Variants in PTPRF observed in about 807,000 individuals in gnomAD.
PTPRF encodes protein tyrosine phosphatase receptor type F, also known as receptor-type tyrosine-protein phosphatase F.
PTPRF carries 59 observed loss-of-function variants against 201.8 expected under a neutral mutation model. The ratio of observed to expected loss-of-function variants is 0.29; its 90% CI spans 0.24 to 0.36. The LOEUF is 0.36. PTPRF is among the 10% of genes least tolerant of loss of function. PTPRF has a pLI of 1.00. For missense variants in PTPRF, 2,132 were observed against 2,690.5 expected (o/e 0.79, Z 4.59); for synonymous variants, 1,088 against 1,089.7 (o/e 1.00, Z 0.03).
chr1:43,596,833 A>G (rs1652383444), intron 11 of PTPRF, among the ~76,000 whole-genome samples: 1 of 152,190 alleles, frequency 6.6e-6, no homozygotes, highest in South Asian at 2.1e-4. Flanking sequence ...GTGAGACAGC[A>G]TATGTGTGGG....
chr1:43,618,878 G>C (rs1658504025), intron 26 of PTPRF, 129 bp downstream of exon 26: 2 of 1,452,766 alleles, frequency 1.4e-6, no homozygotes, highest in Non-Finnish European at 1.9e-6. Context: ...GTGTGTGAGT[G>C]ATGTGATGAT....
In PTPRF at chr1:43,617,518, C is replaced by T. The variant is rs752966262; in HGVS notation, c.4145C>T (p.Ala1382Val). The T allele has an allele frequency of 1.2e-6, 2 of 1,613,960 alleles. No individual in the cohort carries two copies. Among genetic ancestry groups the T allele is most frequent in the Admixed American group, 1.7e-5 (1 of 59,998 alleles). Residue 1382 changes from alanine to valine, a missense_variant, in exon 24 of 34, where the codon GCG (alanine) becomes GTG (valine). This residue lies in a region of PTPRF where 818 missense variants were observed against 915.3 expected (regional missense o/e 0.89). Transcript: ENST00000359947. ...GTGAACAAGCCCAAGAACCGCTATGCGAATGTCATCGCCTACGACCACTCT... is the reference window on the plus strand; with the variant it reads ...GTGAACAAGCCCAAGAACCGCTATGTGAATGTCATCGCCTACGACCACTCT... ...LEVNKPKNRY[A>V]NVIAYDHSRV...
At chr1:43,574,349 T>G (rs190989808) in intron 6 of PTPRF, among the ~76,000 whole-genome samples, 30 of 152,240 alleles carry the variant, frequency 2.0e-4, no homozygotes, top group South Asian at 6.2e-4. Flanking sequence ...AAGACTGAGA[T>G]TATTTTAAAA....
chr1:43,553,969 G>A lies in PTPRF; in HGVS notation c.379+28G>A, dbSNP rs6677409. On this transcript the variant is annotated intron_variant, in intron 5 of 33. Transcript: ENST00000359947. The surrounding 1 kb of genome is among the most constrained non-coding windows in gnomAD (Gnocchi z 4.1). ...ACGTGCTAGGGAGACGTGGCACGGTGGGCTGCCGGGCTGAGGCGTGGGAAG... is the reference window on the plus strand; with the variant it reads ...ACGTGCTAGGGAGACGTGGCACGGTAGGCTGCCGGGCTGAGGCGTGGGAAG... 5.8e-3 allele frequency: 9,288 copies of A among 1,610,536 alleles called. 443 individuals carry two copies. In the African/African-American group the frequency reaches 0.1, roughly 18 times the overall value.
Position 43,605,204 on chromosome 1 carries a change from G to A in PTPRF, c.3150G>A (p.Gly1050=), listed in dbSNP as rs770979857. Residue 1050 remains glycine (G), a synonymous_variant, in exon 18 of 34, where the codon GGG becomes GGA. Coordinates refer to ENST00000359947, the MANE Select transcript of PTPRF (RefSeq NM_002840.5). ...GTCCCCCACAGATTCTGTACAATGG[G>A]CAGAGTGTGGAGGTGGACGGGCACT... ...SAVPFKILYN[G]QSVEVDGHSM... is the part of the protein sequence containing the mutation. 7 of 1,600,764 alleles carry A rather than the reference G, an allele frequency of 4.4e-6. No individual in the cohort carries two copies. In the East Asian group the frequency reaches 6.7e-5, roughly 15 times the overall value.
intron 11 of PTPRF, among the ~76,000 whole-genome samples, chr1:43,592,984 T>A (rs1332235856): frequency 4.6e-5 from 7 of 152,154 alleles, no homozygotes; most frequent in African/African-American, 1.7e-4. Context: ...GGCGGCTGTT[T>A]CTCCTCCCTA....
At chr1:43,594,936 T>C (rs1369055479) in intron 11 of PTPRF, among the ~76,000 whole-genome samples, 2 of 151,992 alleles carry the variant, frequency 1.3e-5, no homozygotes, top group Non-Finnish European at 2.9e-5. Flanking sequence ...ACTTGGAGGT[T>C]GGAAGGAGAG....
intron 5 of PTPRF, among the ~76,000 whole-genome samples, chr1:43,569,265 C>G (rs1463701921): frequency 5.9e-5 from 8 of 135,526 alleles, no homozygotes; most frequent in African/African-American, 1.4e-4. Flanking sequence ...GCAGTGCTTT[C>G]TGCTGTGACC....
At position 43,542,402 on chromosome 1, in the gene PTPRF, T is replaced by G. The variant is rs1644413003; in HGVS notation, c.-45-2629T>G. ...TGTCCTTGTGTCCATCATGGACCAC[T>G]GGAAGAAGCTCTCTGTTCTACTTTC... On this transcript the variant is annotated intron_variant, in intron 2 of 33. Transcript: ENST00000359947. The surrounding 1 kb of genome is among the most constrained non-coding windows in gnomAD (Gnocchi z 5.2). 6.6e-6 allele frequency among the ~76,000 whole-genome samples: 1 copy of G among 152,166 alleles called. No homozygotes were observed. Among genetic ancestry groups the G allele is most frequent in the South Asian group, 2.1e-4 (1 of 4,838 alleles).
intron 22 of PTPRF, among the ~76,000 whole-genome samples, chr1:43,610,261 C>T (rs917749364): frequency 6.6e-6 from 1 of 152,176 alleles, no homozygotes; most frequent in Non-Finnish European, 1.5e-5. Context: ...TTGTTGAATG[C>T]CTGTGAAATG....
rs531323152 is a variant in PTPRF at position 43,612,625 on chromosome 1, C to G, written c.3974-993C>G. On this transcript the variant is annotated intron_variant, in intron 22 of 33. Coordinates refer to ENST00000359947, the MANE Select transcript of PTPRF (RefSeq NM_002840.5). ...TCCGCAGCCCCAGCCCCTCACCGCC[C>G]CCTCCTCTTCTCCGCCAGCCCCTCG... 6 of 576,440 alleles carry G rather than the reference C, an allele frequency of 1.0e-5. No homozygotes were observed. In the East Asian group the frequency reaches 4.1e-4, roughly 39 times the overall value. The allele number at this position is 576,440 out of a possible 1,614,324, so 35.7% of individuals were successfully genotyped here.
At chr1:43,620,409 T>C (rs568639) in intron 30 of PTPRF, 45 bp from the exon 31 acceptor site, 1,163,154 of 1,567,008 alleles carry the variant, frequency 0.74, 436,055 homozygotes, top group African/African-American at 0.92. Context: ...ACCCCTCCCC[T>C]ATTCCTTCTC....
At chr1:43,612,845 G>T (rs746293514) in intron 22 of PTPRF, 2 of 1,333,484 alleles carry the variant, frequency 1.5e-6, no homozygotes, top group African/African-American at 3.0e-5. Context: ...TTTGGCTTCT[G>T]TGTCTGTTTC....
intron 5 of PTPRF, among the ~76,000 whole-genome samples, chr1:43,561,823 C>T (rs1235642649): frequency 6.6e-6 from 1 of 152,156 alleles, no homozygotes; most frequent in South Asian, 2.1e-4. Flanking sequence ...AAGTGGATTC[C>T]CTTCCGAATG....
At chr1:43,536,838 G>A (rs981148388) in intron 1 of PTPRF, among the ~76,000 whole-genome samples, 5 of 152,314 alleles carry the variant, frequency 3.3e-5, no homozygotes, top group East Asian at 1.9e-4. Context: ...CCAAGCTGGC[G>A]AGGGCCATCT....
At chr1:43,604,765 G>T in intron 16 of PTPRF, 138 bp from the exon 17 acceptor site, 1 of 731,012 alleles carries the variant, frequency 1.4e-6, no homozygotes. Context: ...GGAGTGGGGC[G>T]CTTGGTACTC....
At chr1:43,555,057 G>A (rs1308447382) in intron 5 of PTPRF, among the ~76,000 whole-genome samples, 1 of 151,726 alleles carries the variant, frequency 6.6e-6, no homozygotes, top group Admixed American at 6.6e-5. Context: ...TTACCATGTT[G>A]GTCAGGCTGG....
At chr1:43,574,176 A>G (rs1296965110) in intron 6 of PTPRF, among the ~76,000 whole-genome samples, 1 of 151,170 alleles carries the variant, frequency 6.6e-6, no homozygotes, top group East Asian at 1.9e-4. Context: ...TTGTATTTTT[A>G]GTAGAGACAG....
chr1:43,622,177 A>G lies in PTPRF; in HGVS notation c.*174A>G, dbSNP rs991618545. On this transcript the variant is annotated 3_prime_UTR_variant, in exon 34 of 34. Coordinates refer to ENST00000359947, the MANE Select transcript of PTPRF (RefSeq NM_002840.5). ...CGTTGCCACACCAATCAGAGAGCCTAGAACATCCCTGGGCAAGTGGATGGC... is the reference window on the plus strand; with the variant it reads ...CGTTGCCACACCAATCAGAGAGCCTGGAACATCCCTGGGCAAGTGGATGGC... The G allele has an allele frequency of 1.2e-5, 8 of 686,756 alleles. No homozygotes were observed. In the East Asian group the frequency reaches 1.7e-4, roughly 14 times the overall value. The allele number at this position is 686,756 out of a possible 1,614,324, so 42.5% of individuals were successfully genotyped here. A position where few individuals can be genotyped will look rare whatever the true frequency, so the allele number is the denominator to read the frequency against.
Sources: allele counts gnomAD v4.1 joint callset (sites outside exome capture counted in the v4.1 genomes callset), GRCh38; gene constraint gnomAD v4.1.1; regional missense constraint gnomAD v4.1.1; non-coding constraint Gnocchi (gnomAD v3.1); transcripts MANE v1.5; gene names NCBI Gene and HGNC (gene_info 2026-07-23, HGNC 2026-07-21).